CACNA1D: variants seen among roughly 807,000 people sequenced by gnomAD.
CACNA1D encodes the protein calcium voltage-gated channel subunit alpha1 D.
CACNA1D carries 55 observed loss-of-function variants against 257.1 expected under a neutral mutation model. The ratio of observed to expected loss-of-function variants is 0.21; its 90% CI spans 0.17 to 0.27. The LOEUF (loss-of-function observed/expected upper bound fraction) is 0.27. CACNA1D is among the 10% of genes least tolerant of loss of function. The pLI is 1.00. For missense variants in CACNA1D, 1,876 were observed against 2,784.0 expected (o/e 0.67, Z 7.34); for synonymous variants, 980 against 1,014.9 (o/e 0.97, Z 0.65).
chr3:53,724,077 C>G (rs2094907846), intron 14 of CACNA1D, 78 bp downstream of exon 14: 3 of 1,145,730 alleles, frequency 2.6e-6, no homozygotes, highest in Admixed American at 1.7e-5. Flanking sequence ...TCTGCTCACA[C>G]TCAGGAAGAC....
intron 42 of CACNA1D, 31 bp downstream of exon 42, chr3:53,801,456 A>G: frequency 6.2e-7 from 1 of 1,611,824 alleles, no homozygotes; most frequent in Non-Finnish European, 8.5e-7. Context: ...GGACTTGCTC[A>G]TGTGGTGTCT....
At chr3:53,650,978 G>T (rs754654629) in intron 4 of CACNA1D, 60 bp downstream of exon 4, 187 of 1,442,334 alleles carry the variant, frequency 1.3e-4, no homozygotes, top group Non-Finnish European at 1.7e-4. Context: ...GAGGTTGGGG[G>T]GGGTGGTGGT....
rs1412072447 is a variant in CACNA1D, at chr3:53,734,016, G to GTGTATATATA, written c.2621+1055_2621+1056insGTATATATAT. Among the ~76,000 whole-genome samples the GTGTATATATA allele has an allele frequency of 1.5e-4, 20 of 131,698 alleles. 1 individual carries two copies. Among genetic ancestry groups the GTGTATATATA allele is most frequent in the African/African-American group, 5.6e-4 (19 of 33,724 alleles). 86.4% of individuals were successfully genotyped at this position (131,698 alleles called of 152,430 possible). On this transcript the variant is annotated intron_variant, in intron 19 of 47. Transcript: ENST00000350061. ...TACATATACATATATATATGTGTGT[G>GTGTATATATA]TATATATATATATATATATATATAT...
At chr3:53,646,894 A>G (rs190200047) in intron 3 of CACNA1D, among the ~76,000 whole-genome samples, 8 of 152,316 alleles carry the variant, frequency 5.3e-5, no homozygotes, top group African/African-American at 1.9e-4. Context: ...GAAAGTACCA[A>G]GTCTAATGAA....
chr3:53,657,344 C>T (rs150781641), intron 4 of CACNA1D, among the ~76,000 whole-genome samples: 111 of 152,036 alleles, frequency 7.3e-4, no homozygotes, highest in Non-Finnish European at 1.3e-3. Context: ...AAAACTCTAC[C>T]GATAAACAGC....
At chr3:53,606,393 C>T (rs1274310571) in intron 3 of CACNA1D, among the ~76,000 whole-genome samples, 1 of 152,202 alleles carries the variant, frequency 6.6e-6, no homozygotes, top group Non-Finnish European at 1.5e-5. Context: ...CTGGTTACAG[C>T]AAATGTGACA....
At chr3:53,616,499 T>C (rs1417666297) in intron 3 of CACNA1D, among the ~76,000 whole-genome samples, 1 of 152,236 alleles carries the variant, frequency 6.6e-6, no homozygotes, top group Non-Finnish European at 1.5e-5. Context: ...CAGATGCAGC[T>C]GCTCTGGAGT....
intron 2 of CACNA1D, among the ~76,000 whole-genome samples, chr3:53,499,365 C>A (rs2090489855): frequency 6.6e-6 from 1 of 151,926 alleles, no homozygotes. Flanking sequence ...AGGGAGCAGG[C>A]TATAGAAATC....
intron 30 of CACNA1D, among the ~76,000 whole-genome samples, chr3:53,768,867 C>A (rs1288344390): frequency 6.6e-6 from 1 of 152,194 alleles, no homozygotes; most frequent in Non-Finnish European, 1.5e-5. Context: ...GTGAGCACAT[C>A]CAGACGTGCA....
At chr3:53,741,570 C>A (rs890464114) in intron 21 of CACNA1D, among the ~76,000 whole-genome samples, 7 of 152,114 alleles carry the variant, frequency 4.6e-5, no homozygotes, top group Non-Finnish European at 8.8e-5. Context: ...GTTCATTTTC[C>A]TGCCTTTAAG....
chr3:53,622,623 T>A (rs1048121241), intron 3 of CACNA1D, among the ~76,000 whole-genome samples: 5 of 151,664 alleles, frequency 3.3e-5, no homozygotes, highest in African/African-American at 1.2e-4. Flanking sequence ...CTTTTGGAGG[T>A]TGGAGGGTAG....
At chr3:53,642,294 C>G (rs1157727581) in intron 3 of CACNA1D, among the ~76,000 whole-genome samples, 3 of 152,202 alleles carry the variant, frequency 2.0e-5, no homozygotes, top group Admixed American at 1.3e-4. Flanking sequence ...TCTCTCAGGG[C>G]TGAATCCAGC....
intron 3 of CACNA1D, among the ~76,000 whole-genome samples, chr3:53,621,645 G>T (rs1463428768): frequency 6.6e-6 from 1 of 152,202 alleles, no homozygotes; most frequent in Non-Finnish European, 1.5e-5. Flanking sequence ...ATCAAAACTT[G>T]TGTTCATCAA....
chr3:53,767,575 A>AAAAAC (rs1479049979), intron 30 of CACNA1D, among the ~76,000 whole-genome samples: 1 of 151,702 alleles, frequency 6.6e-6, no homozygotes, highest in African/African-American at 2.4e-5. Context: ...CAAAAAAAAA[A>AAAAAC]AAAAAACAAC....
At chr3:53,802,299 G>C in intron 43 of CACNA1D, 126 bp downstream of exon 43, 1 of 855,984 alleles carries the variant, frequency 1.2e-6, no homozygotes, top group South Asian at 1.3e-5. Flanking sequence ...CATAATTCAT[G>C]GCTGTGGACT....
At position 53,770,464 on chromosome 3, in the gene CACNA1D, G is replaced by C; in HGVS notation, c.3956G>C (p.Arg1319Pro). The change falls in exon 32 of 48, where the codon CGT becomes CCT. Residue 1319 changes from arginine (R) to proline (P), a missense_variant. This residue lies in a region of CACNA1D where 204 missense variants were observed against 309.4 expected (regional missense o/e 0.66). Transcript: ENST00000350061. ...ESNRISITFF[R>P]LFRVMRLVKL... ...AATAGAATCTCCATCACCTTTTTCCGTCTTTTCCGAGTGATGCGATTGGTG... is the reference window on the plus strand; with the variant it reads ...AATAGAATCTCCATCACCTTTTTCCCTCTTTTCCGAGTGATGCGATTGGTG... 1 of 1,613,634 alleles carries C rather than the reference G, an allele frequency of 6.2e-7. No individual in the cohort carries two copies. The highest frequency in any genetic ancestry group is 8.5e-7 in the Non-Finnish European group (1 of 1,179,614).
chr3:53,795,346 GAGTA>G (rs2095502929), intron 40 of CACNA1D, among the ~76,000 whole-genome samples: 1 of 152,230 alleles, frequency 6.6e-6, no homozygotes, highest in Admixed American at 6.5e-5. Context: ...GACTATAGGT[GAGTA>G]AGTGTGTGAT....
At position 53,495,349 on chromosome 3, in the gene CACNA1D, C is replaced by A; in HGVS notation, c.67+116C>A. 1 of 1,227,176 alleles carries A rather than the reference C, an allele frequency of 8.1e-7. No homozygotes were observed. The highest frequency in any genetic ancestry group is 1.2e-6 in the Non-Finnish European group (1 of 833,452). The allele number at this position is 1,227,176 out of a possible 1,614,324, so 76.0% of individuals were successfully genotyped here. ...TTGAGGGGGTTGGAGAGGGTGCTGC[C>A]AGCTCGGTGTCGTCTACACAGAGAG... On this transcript the variant is annotated intron_variant, in intron 1 of 47. Coordinates refer to ENST00000350061, the MANE Select transcript of CACNA1D (RefSeq NM_001128840.3). This position sits in a 1 kb window ranked among gnomAD's most constrained non-coding sequence, Gnocchi z 5.1.
intron 8 of CACNA1D, among the ~76,000 whole-genome samples, chr3:53,699,449 C>T (rs1418433559): frequency 2.6e-5 from 4 of 152,214 alleles, no homozygotes; most frequent in Admixed American, 6.5e-5. Flanking sequence ...TGTGAAACAG[C>T]GGAACAGGTA....
Sources: gnomAD v4.1 joint callset for allele counts (sites outside exome capture counted in the v4.1 genomes callset) on GRCh38, gnomAD v4.1.1 for gene constraint, gnomAD v4.1.1 regional missense constraint, Gnocchi (gnomAD v3.1) non-coding constraint, MANE v1.5 for transcripts, NCBI Gene and HGNC (gene_info 2026-07-23, HGNC 2026-07-21) for gene names.